Variants in PFKFB3 observed in about 807,000 individuals in gnomAD.
The protein encoded by PFKFB3 is 6-phosphofructo-2-kinase/fructose-2,6-bisphosphatase 3.
A neutral mutation model predicts 68.0 loss-of-function variants in PFKFB3; 33 were observed. The observed-to-expected ratio is 0.49, with a 90% CI of 0.37 to 0.65. The LOEUF is 0.65. Ranked by LOEUF, PFKFB3 falls within the 30% of genes least tolerant of loss-of-function variation. PFKFB3 has a pLI of 0.00. For missense variants in PFKFB3, 586 were observed against 712.2 expected (o/e 0.82, Z 2.02); for synonymous variants, 315 against 288.2 (o/e 1.09, Z -0.94).
chr10:6,299,694 T>C, the PFKFB3 span, among the ~76,000 whole-genome samples: 15 of 152,356 alleles, frequency 9.8e-5, no homozygotes, highest in Admixed American at 3.3e-4. Context: ...TTTATACTCT[T>C]GGCGTCTCCT....
At chr10:6,187,303 G>A (rs1489486271) in intron 1 of PFKFB3, among the ~76,000 whole-genome samples, 1 of 152,074 alleles carries the variant, frequency 6.6e-6, no homozygotes, top group East Asian at 1.9e-4. Context: ...GGGGGTTGCA[G>A]TGAGCTGAGA....
chr10:6,166,821 C>CTT (rs144747290), intron 1 of PFKFB3, among the ~76,000 whole-genome samples: 122 of 95,230 alleles, frequency 1.3e-3, no homozygotes, highest in Non-Finnish European at 1.7e-3. Flanking sequence ...CCTTCTTCTT[C>CTT]TTTTTTTTTT....
rs1845868242 is a variant in PFKFB3 at position 6,233,508 on chromosome 10, C to G, written c.*566C>G. 6.6e-6 allele frequency: 1 copy of G among 152,616 alleles called. No homozygotes were observed. The allele number at this position is 152,616 out of a possible 1,614,324, so 9.5% of individuals were successfully genotyped here. On this transcript the variant is annotated 3_prime_UTR_variant, in exon 15 of 15. Transcript: ENST00000379775. Reference sequence around the variant, plus strand: ...GCCTCTTCTGCAGGAAGTCCCTGAGCTGAGACGCAAGTTGGCTGGGTGGTC... The same window carrying G: ...GCCTCTTCTGCAGGAAGTCCCTGAGGTGAGACGCAAGTTGGCTGGGTGGTC...
At chr10:6,159,096 T>TA (rs1564588450) in intron 1 of PFKFB3, among the ~76,000 whole-genome samples, 2 of 152,066 alleles carry the variant, frequency 1.3e-5, no homozygotes, top group East Asian at 1.9e-4. Flanking sequence ...TGATGACTAT[T>TA]AAAAAATCCC....
At chr10:6,177,415 C>CTT (rs1311907121) in intron 1 of PFKFB3, among the ~76,000 whole-genome samples, 165 of 39,560 alleles carry the variant, frequency 4.2e-3, no homozygotes, top group East Asian at 0.013. Flanking sequence ...TTTCTTCTTT[C>CTT]TCTTTCTTCC....
upstream of PFKFB3, chr10:6,202,922 G>T: frequency 1.7e-6 from 2 of 1,192,712 alleles, no homozygotes; most frequent in Non-Finnish European, 2.1e-6. Flanking sequence ...GGCGGTGCGC[G>T]GGGCATCCCA....
chr10:6,146,033 T>C (rs1369428980), intron 1 of PFKFB3, among the ~76,000 whole-genome samples: 1 of 152,002 alleles, frequency 6.6e-6, no homozygotes. Context: ...TCCTGCGCCG[T>C]CTGTTTGGGT....
At position 6,215,277 on chromosome 10, in the gene PFKFB3, T is replaced by A; in HGVS notation, c.259T>A (p.Phe87Ile). Residue 87 changes from phenylalanine to isoleucine, a missense_variant, in exon 3 of 15, where the codon TTC becomes ATC. Physicochemically the swap from Phe to Ile is conservative, Grantham distance 21 (BLOSUM62 0). Transcript: ENST00000379775. The surrounding 1 kb of genome is among the most constrained non-coding windows in gnomAD (Gnocchi z 4.3). Reference sequence around the variant, plus strand: ...TGTGAAGCAGTACAGCTCCTACAACTTCTTCCGCCCCGACAATGAGGAAGC... The same window carrying A: ...TGTGAAGCAGTACAGCTCCTACAACATCTTCCGCCCCGACAATGAGGAAGC... ...EAVKQYSSYN[F>I]FRPDNEEAMK... 1.2e-6 allele frequency: 2 copies of A among 1,613,972 alleles called. No homozygotes were observed. Among genetic ancestry groups the A allele is most frequent in the Non-Finnish European group, 1.7e-6 (2 of 1,180,012 alleles).
At chr10:6,240,099 T>C (rs1266540453), downstream of PFKFB3, among the ~76,000 whole-genome samples, 1 of 152,222 alleles carries the variant, frequency 6.6e-6, no homozygotes, top group Non-Finnish European at 1.5e-5. Context: ...CAATAGTCTT[T>C]TACTGCTTTG....
rs1844957448 is a variant in PFKFB3 at position 6,221,525 on chromosome 10, G to A, written c.976G>A (p.Ala326Thr). ...GTGGAAGGCGCTCAATGAGATCGAC[G>A]CGGTGAGTCCTGGGAGGCGGGCAGG... Reference protein sequence around the residue: ...EQWKALNEIDAGVCEELTYEE... With the variant: ...EQWKALNEIDTGVCEELTYEE... The change falls in exon 9 of 15, where the codon GCG (alanine) becomes ACG (threonine). Residue 326 changes from alanine to threonine, a missense_variant and splice_region_variant. Transcript: ENST00000379775. 9 of 1,613,042 alleles carry A rather than the reference G, an allele frequency of 5.6e-6. No individual in the cohort carries two copies. The highest frequency in any genetic ancestry group is 2.2e-5 in the East Asian group (1 of 44,894).
At chr10:6,221,866 A>G (rs1246467691) in intron 10 of PFKFB3, 121 bp downstream of exon 10, 2 of 650,150 alleles carry the variant, frequency 3.1e-6, no homozygotes, top group South Asian at 1.9e-5. Context: ...TACACCCTCC[A>G]CCTTGGAACT....
At chr10:6,251,631 G>A (rs1016369783) in intron 14 of PFKFB3, among the ~76,000 whole-genome samples, 1 of 152,172 alleles carries the variant, frequency 6.6e-6, no homozygotes, top group Non-Finnish European at 1.5e-5. Context: ...ACAGGGATGT[G>A]TGCAGAGAGG....
At chr10:6,148,163 G>A (rs528609473) in intron 1 of PFKFB3, among the ~76,000 whole-genome samples, 1 of 152,366 alleles carries the variant, frequency 6.6e-6, no homozygotes, top group Non-Finnish European at 1.5e-5. Context: ...GCAAGTGCCA[G>A]GGAGGGGAGT....
intron 14 of PFKFB3, among the ~76,000 whole-genome samples, chr10:6,230,776 C>T (rs1376696451): frequency 4.0e-5 from 6 of 151,360 alleles, no homozygotes; most frequent in South Asian, 2.1e-4. Context: ...AGTGCAGTGG[C>T]GCGATCTTGG....
intron 1 of PFKFB3, among the ~76,000 whole-genome samples, chr10:6,192,151 C>CAG (rs1236432141): frequency 7.7e-6 from 1 of 129,712 alleles, no homozygotes; most frequent in African/African-American, 2.6e-5. Context: ...CACACACACA[C>CAG]ACACACACAC....
At chr10:6,219,828 G>A in intron 7 of PFKFB3, 135 bp downstream of exon 7, 1 of 818,936 alleles carries the variant, frequency 1.2e-6, no homozygotes, top group South Asian at 1.8e-5. Context: ...GTAGAGATGA[G>A]GTCTCGCTAT....
At position 6,215,354 on chromosome 10, in the gene PFKFB3, G is replaced by A; in HGVS notation, c.299+37G>A. ...CCGCGGGCGTAGGGCTGGGCTGTGG[G>A]AATAAGGCTGGGCCGCGGGCATAAG... On this transcript the variant is annotated intron_variant, in intron 3 of 14. Coordinates refer to ENST00000379775, the MANE Select transcript of PFKFB3 (RefSeq NM_004566.4). This position sits in a 1 kb window ranked among gnomAD's most constrained non-coding sequence, Gnocchi z 4.3. 2.0e-6 allele frequency: 3 copies of A among 1,524,984 alleles called. No homozygotes were observed. Among genetic ancestry groups the A allele is most frequent in the Non-Finnish European group, 2.7e-6 (3 of 1,101,124 alleles). 94.5% of individuals were successfully genotyped at this position (1,524,984 alleles called of 1,614,324 possible).
chr10:6,266,657 A>G, the PFKFB3 span, among the ~76,000 whole-genome samples: 1 of 152,232 alleles, frequency 6.6e-6, no homozygotes, highest in African/African-American at 2.4e-5. Context: ...ATATACATTC[A>G]TATTGAGATC....
At chr10:6,256,817 C>A (rs144505048), downstream of PFKFB3, among the ~76,000 whole-genome samples, 13 of 152,302 alleles carry the variant, frequency 8.5e-5, no homozygotes, top group East Asian at 1.9e-3. Flanking sequence ...CAGATCATTG[C>A]TGTGGTGGGT....
Sources: gnomAD v4.1 joint callset for allele counts (sites outside exome capture counted in the v4.1 genomes callset) on GRCh38, gnomAD v4.1.1 for gene constraint, Gnocchi (gnomAD v3.1) non-coding constraint, MANE v1.5 for transcripts, NCBI Gene and HGNC (gene_info 2026-07-23, HGNC 2026-07-21) for gene names.